RXFP1: variants seen among roughly 807,000 people sequenced by gnomAD.
The protein encoded by RXFP1 is relaxin family peptide receptor 1.
A neutral mutation model predicts 89.8 loss-of-function variants in RXFP1; 73 were observed. That is an observed-to-expected ratio of 0.81 (90% confidence interval 0.67 to 0.99). The LOEUF (loss-of-function observed/expected upper bound fraction) is 0.99, where lower values mean the gene tolerates loss of function less well. Ranked by LOEUF, RXFP1 falls within the 50% of genes least tolerant of loss-of-function variation. The pLI is 0.00. For synonymous variants in RXFP1, 277 were observed against 305.5 expected, an observed-to-expected ratio of 0.91 and a Z score of 0.97; for missense variants, 793 against 895.5, an observed-to-expected ratio of 0.89 and a Z score of 1.46.
At chr4:158,618,648 A>G (rs1047749242) in intron 9 of RXFP1, among the ~76,000 whole-genome samples, 2 of 152,140 alleles carry the variant, frequency 1.3e-5, no homozygotes, top group African/African-American at 4.8e-5. Flanking sequence ...CATTTAGCAC[A>G]GTATGAACTA....
chr4:158,594,283 C>T (rs1760094344), intron 3 of RXFP1, among the ~76,000 whole-genome samples: 1 of 152,088 alleles, frequency 6.6e-6, no homozygotes, highest in Non-Finnish European at 1.5e-5. Context: ...TATTCAGGGC[C>T]CTGTTCAAAT....
chr4:158,648,738 C>A, intron 17 of RXFP1, 21 bp downstream of exon 17: 3 of 1,354,076 alleles, frequency 2.2e-6, no homozygotes, highest in Non-Finnish European at 3.1e-6. Context: ...TTTTAATCTC[C>A]TTAAAGAAAT....
intron 14 of RXFP1, 69 bp from the exon 15 acceptor site, chr4:158,644,840 A>G: frequency 9.7e-7 from 1 of 1,032,494 alleles, no homozygotes. Flanking sequence ...AATGTAGGAA[A>G]TAAATATGAA....
intron 6 of RXFP1, among the ~76,000 whole-genome samples, chr4:158,610,975 G>GT (rs2150128590): frequency 6.6e-6 from 1 of 152,306 alleles, no homozygotes; most frequent in African/African-American, 2.4e-5. Context: ...TGTGAATCTT[G>GT]TATTAGTGGA....
chr4:158,614,821 A>C (rs910463128), intron 8 of RXFP1, among the ~76,000 whole-genome samples: 2 of 152,060 alleles, frequency 1.3e-5, no homozygotes, highest in Non-Finnish European at 2.9e-5. Context: ...TGGTTTTTTG[A>C]CTTATCTCAG....
At chr4:158,571,395 G>A (rs994965615) in intron 1 of RXFP1, among the ~76,000 whole-genome samples, 12 of 152,156 alleles carry the variant, frequency 7.9e-5, no homozygotes, top group African/African-American at 2.4e-4. Context: ...GGCTGGGCGC[G>A]GTGGCTCACA....
chr4:158,553,290 T>C (rs1018783379), intron 1 of RXFP1, among the ~76,000 whole-genome samples: 1 of 152,190 alleles, frequency 6.6e-6, no homozygotes, highest in African/African-American at 2.4e-5. Flanking sequence ...TAATTGATAA[T>C]TGAATCAATA....
intron 1 of RXFP1, among the ~76,000 whole-genome samples, chr4:158,528,283 T>G (rs1038486020): frequency 1.3e-5 from 2 of 152,110 alleles, no homozygotes; most frequent in African/African-American, 4.8e-5. Context: ...GTGGATTGCT[T>G]GAGCCTAGGA....
chr4:158,603,004 C>T lies in RXFP1; in HGVS notation c.393-2064C>T, dbSNP rs534164998. Among the ~76,000 whole-genome samples the T allele has an allele frequency of 1.0e-3, 152 of 152,328 alleles. 1 individual carries two copies. The South Asian group carries it at 0.029, about 29-fold the overall frequency. On this transcript the variant is annotated intron_variant, in intron 4 of 17. Coordinates refer to ENST00000307765, the MANE Select transcript of RXFP1 (RefSeq NM_021634.4). Reference sequence around the variant, plus strand: ...GGAGTGCAGTGGTGCAATCACAGCTCACTGCAGCCTTGACCTCTGAGGCTC... The same window carrying T: ...GGAGTGCAGTGGTGCAATCACAGCTTACTGCAGCCTTGACCTCTGAGGCTC...
intron 13 of RXFP1, among the ~76,000 whole-genome samples, 166 bp from the exon 14 acceptor site, chr4:158,639,094 C>G (rs1769831756): frequency 6.6e-6 from 1 of 151,864 alleles, no homozygotes; most frequent in African/African-American, 2.4e-5. Context: ...ATAACACAAT[C>G]AGAAGGAGGA....
chr4:158,528,116 A>G (rs1292998430), intron 1 of RXFP1, among the ~76,000 whole-genome samples: 1 of 152,182 alleles, frequency 6.6e-6, no homozygotes, highest in Non-Finnish European at 1.5e-5. Context: ...TCATTCTCAC[A>G]ACCAAGGAGA....
chr4:158,542,109 A>ATATATATATATATATATATATT, intron 1 of RXFP1, among the ~76,000 whole-genome samples: 3 of 35,250 alleles, frequency 8.5e-5, no homozygotes, highest in Non-Finnish European at 1.1e-4. Flanking sequence ...ATATATATAT[A>ATATATATATATATATATATATT]TTTTTTTTTT....
chr4:158,577,678 G>GA (rs1241903495), intron 2 of RXFP1, among the ~76,000 whole-genome samples: 15 of 151,776 alleles, frequency 9.9e-5, no homozygotes, highest in African/African-American at 3.4e-4. Context: ...TATTAAAATG[G>GA]AAAAATAAGT....
At position 158,650,432 on chromosome 4, in the gene RXFP1, A is replaced by AATATATATATATAT. The variant is rs149845150; in HGVS notation, c.1976-1319_1976-1306dup. Among the ~76,000 whole-genome samples, 727 of 145,436 alleles carry AATATATATATATAT rather than the reference A, an allele frequency of 5.0e-3. 6 individuals are homozygous for AATATATATATATAT. Among genetic ancestry groups the AATATATATATATAT allele is most frequent in the African/African-American group, 0.018 (692 of 39,516 alleles). ...GCATATATCCTGTTAAATATATATAAATATATATATATATATATAATGCAG... is the reference window on the plus strand; with the variant it reads ...GCATATATCCTGTTAAATATATATAAATATATATATATATATATATATATATATATATAATGCAG... On this transcript the variant is annotated intron_variant, in intron 17 of 17. Transcript: ENST00000307765.
chr4:158,596,528 G>A (rs1192660195), intron 3 of RXFP1, among the ~76,000 whole-genome samples: 1 of 152,086 alleles, frequency 6.6e-6, no homozygotes, highest in Non-Finnish European at 1.5e-5. Context: ...CCGAAGTGCT[G>A]GGATTACAGG....
At chr4:158,555,361 TTA>T (rs1195623603) in intron 1 of RXFP1, among the ~76,000 whole-genome samples, 1 of 152,188 alleles carries the variant, frequency 6.6e-6, no homozygotes, top group Non-Finnish European at 1.5e-5. Flanking sequence ...TCAGGTAAAA[TTA>T]TGTTTCCTCC....
chr4:158,543,747 CT>C (rs141772228), intron 1 of RXFP1: 22 of 984,768 alleles, frequency 2.2e-5, no homozygotes, highest in Non-Finnish European at 2.7e-5. Context: ...AACTTTCAAA[CT>C]TTTTTATTAA....
intron 5 of RXFP1, among the ~76,000 whole-genome samples, chr4:158,605,934 G>A (rs1011166663): frequency 1.3e-5 from 2 of 152,136 alleles, no homozygotes; most frequent in African/African-American, 4.8e-5. Flanking sequence ...CATTTTTAAA[G>A]ATAACAGATG....
At chr4:158,608,068 G>A (rs749578432) in intron 6 of RXFP1, 25 bp downstream of exon 6, 29 of 1,492,174 alleles carry the variant, frequency 1.9e-5, no homozygotes, top group African/African-American at 5.6e-5. Flanking sequence ...GAATTAATTT[G>A]CCCATTCCAT....
Sources: gnomAD v4.1 joint callset for allele counts (sites outside exome capture counted in the v4.1 genomes callset) on GRCh38, gnomAD v4.1.1 for gene constraint, MANE v1.5 for transcripts, NCBI Gene and HGNC (gene_info 2026-07-23, HGNC 2026-07-21) for gene names.